Variants in ZBTB40 observed in about 807,000 individuals in gnomAD.
The protein encoded by ZBTB40 is zinc finger and BTB domain-containing protein 40.
ZBTB40 carries 60 observed loss-of-function variants against 117.5 expected under a neutral mutation model. That is an observed-to-expected ratio of 0.51 (90% confidence interval 0.41 to 0.63). ZBTB40 has a LOEUF of 0.63. ZBTB40 is among the 30% of genes least tolerant of loss of function. The probability of loss-of-function intolerance (pLI) is 0.00; values close to 1 mark genes in which losing one functional copy is unlikely to be tolerated. For missense variants in ZBTB40, 1,287 were observed against 1,498.5 expected (o/e 0.86, Z 2.33); for synonymous variants, 525 against 577.1 (o/e 0.91, Z 1.29).
chr1:22,500,361 TC>T (rs1292654182), intron 3 of ZBTB40, among the ~76,000 whole-genome samples: 11 of 152,254 alleles, frequency 7.2e-5, no homozygotes, highest in Non-Finnish European at 1.2e-4. Flanking sequence ...GTGTGGCAGC[TC>T]TGGATTGAAA....
At chr1:22,451,702 A>C (rs1174456126), upstream of ZBTB40, 1 of 151,008 alleles carries the variant, frequency 6.6e-6, no homozygotes, top group East Asian at 2.0e-4. Context: ...GGAAGGAGGG[A>C]GTGGCCAAGG....
chr1:22,517,202 A>C lies in ZBTB40; in HGVS notation c.2669-98A>C, dbSNP rs1639394680. On this transcript the variant is annotated intron_variant, in intron 12 of 17. Transcript: ENST00000375647. ...CTGATGTTTTAATGTCATCTACCAG[A>C]TGATATTTCCCTGATACGTGCTGTA... The C allele has an allele frequency of 1.9e-6, 3 of 1,538,918 alleles. No homozygotes were observed. The East Asian group carries it at 6.7e-5, about 35-fold the overall frequency.
chr1:22,461,835 G>C (rs1557484386), intron 1 of ZBTB40, among the ~76,000 whole-genome samples: 1 of 152,218 alleles, frequency 6.6e-6, no homozygotes, highest in Admixed American at 6.5e-5. Context: ...TCTCTGTGTA[G>C]TGCCAAGCCT....
At chr1:22,442,197 A>C (rs1040187354) in intron 1 of ZBTB40, among the ~76,000 whole-genome samples, 15 of 152,130 alleles carry the variant, frequency 9.9e-5, no homozygotes, top group Non-Finnish European at 2.2e-4. Flanking sequence ...CATATAATCT[A>C]TCCTGGAAAA....
chr1:22,460,074 A>T (rs1041047455), intron 1 of ZBTB40, among the ~76,000 whole-genome samples: 2 of 152,164 alleles, frequency 1.3e-5, no homozygotes, highest in African/African-American at 4.8e-5. Flanking sequence ...CTCCCCCCTT[A>T]AAGCTCATCC....
intron 1 of ZBTB40, among the ~76,000 whole-genome samples, chr1:22,456,056 T>C (rs1557481014): frequency 6.6e-6 from 1 of 152,082 alleles, no homozygotes; most frequent in Admixed American, 6.5e-5. Context: ...CACAAGGAAA[T>C]TGAATTGGGA....
At chr1:22,454,548 C>G (rs978060227) in intron 1 of ZBTB40, among the ~76,000 whole-genome samples, 1 of 152,032 alleles carries the variant, frequency 6.6e-6, no homozygotes, top group African/African-American at 2.4e-5. Context: ...ACCAGTCTAG[C>G]AAGAAGGGGA....
At chr1:22,512,200 C>A in intron 11 of ZBTB40, 66 bp downstream of exon 11, 1 of 1,575,012 alleles carries the variant, frequency 6.3e-7, no homozygotes, top group Non-Finnish European at 8.7e-7. Flanking sequence ...GATTTCAGGC[C>A]TTTCCCTTAG....
chr1:22,504,768 A>G (rs183974180), intron 5 of ZBTB40, among the ~76,000 whole-genome samples: 10 of 152,372 alleles, frequency 6.6e-5, no homozygotes, highest in Admixed American at 5.9e-4. Flanking sequence ...TAACTTGCCC[A>G]AGGTCACACA....
chr1:22,480,485 T>G (rs1483351032), intron 1 of ZBTB40, among the ~76,000 whole-genome samples: 2 of 152,176 alleles, frequency 1.3e-5, no homozygotes, highest in African/African-American at 2.4e-5. Context: ...AATTATGAGC[T>G]TCTTTTCTGT....
chr1:22,441,242 T>C (rs921438573), intron 1 of ZBTB40, among the ~76,000 whole-genome samples: 1 of 152,150 alleles, frequency 6.6e-6, no homozygotes, highest in East Asian at 1.9e-4. Context: ...ACATTTCATC[T>C]AGGTTATCCA....
Position 22,513,928 on chromosome 1 carries a change from T to C in ZBTB40, c.2668+798T>C, listed in dbSNP as rs771551452. On this transcript the variant is annotated intron_variant, in intron 12 of 17. Transcript: ENST00000375647. The surrounding 1 kb of genome is among the most constrained non-coding windows in gnomAD (Gnocchi z 4.9). The stretch of plus-strand genomic sequence containing the variant: ...ACATAAAATTATTTGAGCTTTGAAG[T>C]CGAGTTCAAGCATGAGAAGGACCCT... 2.0e-5 allele frequency among the ~76,000 whole-genome samples: 3 copies of C among 152,198 alleles called. No homozygotes were observed. Among genetic ancestry groups the C allele is most frequent in the Non-Finnish European group, 4.4e-5 (3 of 68,040 alleles).
intron 1 of ZBTB40, among the ~76,000 whole-genome samples, chr1:22,485,243 G>T (rs1354878898): frequency 6.6e-6 from 1 of 152,046 alleles, no homozygotes; most frequent in Non-Finnish European, 1.5e-5. Flanking sequence ...CTTAAATATT[G>T]GGTGGAACTC....
At position 22,530,925 on chromosome 1, in the gene ZBTB40, C is replaced by T. The variant is rs1639811905; in HGVS notation, c.*4529C>T. ...AAGTGTGGGGCAGGGTTTCAGAGCA[C>T]AGGCTTTGGTGTCCAGCCTGGGTAC... On this transcript the variant is annotated 3_prime_UTR_variant, in exon 18 of 18. Transcript: ENST00000375647. 6.6e-6 allele frequency: 1 copy of T among 152,144 alleles called. No individual in the cohort carries two copies. Among genetic ancestry groups the T allele is most frequent in the Non-Finnish European group, 1.5e-5 (1 of 68,038 alleles). 9.4% of individuals were successfully genotyped at this position (152,144 alleles called of 1,614,324 possible).
At chr1:22,452,511 T>C (rs934542548) in intron 1 of ZBTB40, 1 of 152,256 alleles carries the variant, frequency 6.6e-6, no homozygotes, top group Non-Finnish European at 1.5e-5. Context: ...AATGAAGTTT[T>C]ATTGGAACAC....
chr1:22,522,224 G>A (rs949430272), intron 15 of ZBTB40, among the ~76,000 whole-genome samples, 153 bp from the exon 16 acceptor site: 1 of 152,162 alleles, frequency 6.6e-6, no homozygotes, highest in Non-Finnish European at 1.5e-5. Flanking sequence ...CCACTAGATT[G>A]TACAAATATA....
chr1:22,444,984 G>T (rs1640771584), intron 1 of ZBTB40, among the ~76,000 whole-genome samples: 1 of 152,196 alleles, frequency 6.6e-6, no homozygotes, highest in Non-Finnish European at 1.5e-5. Context: ...CAAGAACTGA[G>T]GTTGCTGCAG....
chr1:22,501,223 G>C (rs1638926434), intron 3 of ZBTB40, among the ~76,000 whole-genome samples: 1 of 152,226 alleles, frequency 6.6e-6, no homozygotes, highest in Non-Finnish European at 1.5e-5. Flanking sequence ...GGTAGGGCCT[G>C]TGGCCAGGAA....
intron 16 of ZBTB40, among the ~76,000 whole-genome samples, chr1:22,523,101 C>A (rs1639584666): frequency 1.3e-5 from 2 of 151,834 alleles, no homozygotes; most frequent in African/African-American, 4.8e-5. Context: ...GCGCCCACCA[C>A]CACACCCGAC....
Sources: allele counts gnomAD v4.1 joint callset (sites outside exome capture counted in the v4.1 genomes callset), GRCh38; gene constraint gnomAD v4.1.1; non-coding constraint Gnocchi (gnomAD v3.1); transcripts MANE v1.5; gene names NCBI Gene and HGNC (gene_info 2026-07-23, HGNC 2026-07-21).